The following TRIOBP variants were observed in gnomAD, a reference collection of about 807,000 sequenced individuals.
The protein encoded by TRIOBP is TRIO and F-actin-binding protein.
Under a neutral mutation model 238.8 loss-of-function variants are expected in TRIOBP, and 169 were observed. That is an observed-to-expected ratio of 0.71 (90% CI 0.62 to 0.80). The LOEUF (loss-of-function observed/expected upper bound fraction) is 0.80. Ranked by LOEUF, TRIOBP falls within the 30% of genes least tolerant of loss-of-function variation. The pLI, the probability that TRIOBP is intolerant of heterozygous loss-of-function variation, is 0.00. For missense variants in TRIOBP, 2,838 were observed against 3,122.6 expected, an observed-to-expected ratio of 0.91 and a Z score of 2.17; for synonymous variants, 1,150 against 1,274.4, an observed-to-expected ratio of 0.90 and a Z score of 2.08.
rs548055589 is a variant in TRIOBP, at chr22:37,741,388, T to C, written c.5322+356T>C. On this transcript the variant is annotated intron_variant, in intron 11 of 23. Transcript: ENST00000644935. ...GCGAGCTTATAAGTGGCTCTGGGAT[T>C]GCAAAGTGTGTCTCAGACCTGGGCC... 5.9e-5 allele frequency among the ~76,000 whole-genome samples: 9 copies of C among 152,286 alleles called. No individual in the cohort carries two copies. In the East Asian group the frequency reaches 1.7e-3, roughly 29 times the overall value.
rs1052665635 is a variant in TRIOBP at position 37,725,043 on chromosome 22, C to G, written c.2487C>G (p.Thr829=). The change falls in exon 7 of 24, where the codon ACC becomes ACG. Residue 829 remains threonine (T), a synonymous_variant. Transcript: ENST00000644935. ...AGAACATCCCCAGATCATCTTCTAC[C>G]CAACAAGACAACCCTAAAACCTCTT... The part of the protein sequence containing the change: ...IQQNIPRSSS[T]QQDNPKTSCT... 6.2e-7 allele frequency: 1 copy of G among 1,614,140 alleles called. No homozygotes were observed. The highest frequency in any genetic ancestry group is 1.1e-5 in the South Asian group (1 of 91,080).
intron 3 of TRIOBP, among the ~76,000 whole-genome samples, chr22:37,710,110 C>T (rs997592111): frequency 3.3e-5 from 5 of 152,228 alleles, no homozygotes; most frequent in Admixed American, 3.3e-4. Context: ...GCGGGACCTG[C>T]GTAGACACGC....
intron 8 of TRIOBP, among the ~76,000 whole-genome samples, 169 bp from the exon 9 acceptor site, chr22:37,734,230 G>A (rs982098532): frequency 6.6e-6 from 1 of 152,180 alleles, no homozygotes; most frequent in African/African-American, 2.4e-5. Context: ...GTGAAAGGGA[G>A]GAGCTGACCC....
chr22:37,726,140 G>A lies in TRIOBP; in HGVS notation c.3584G>A (p.Ser1195Asn). The A allele has an allele frequency of 6.4e-7, 1 of 1,552,426 alleles. No individual in the cohort carries two copies. The highest frequency in any genetic ancestry group is 8.7e-7 in the Non-Finnish European group (1 of 1,143,928). The change falls in exon 7 of 24, where the codon AGT becomes AAT. Residue 1195 changes from serine (S) to asparagine (N), a missense_variant. Physicochemically the swap from Ser to Asn is conservative, Grantham distance 46 (BLOSUM62 1). Around this residue, in one of 5 missense-constraint regions of TRIOBP, gnomAD observed 2,096 missense variants for 2,137.4 expected, o/e 0.98. Coordinates refer to ENST00000644935, the MANE Select transcript of TRIOBP (RefSeq NM_001039141.3). Reference sequence around the variant, plus strand: ...TTCTTCCAGGATCCCCCTGGAACTAGTATGGAGAGCCTGGCCCCCTCCACT... The same window carrying A: ...TTCTTCCAGGATCCCCCTGGAACTAATATGGAGAGCCTGGCCCCCTCCACT... ...SLFFQDPPGT[S>N]MESLAPSTDS...
intron 11 of TRIOBP, among the ~76,000 whole-genome samples, chr22:37,747,121 C>T (rs1925323806): frequency 6.6e-6 from 1 of 152,128 alleles, no homozygotes; most frequent in African/African-American, 2.4e-5. Flanking sequence ...CCATCAATTA[C>T]CTGTGCCATA....
At chr22:37,728,753 G>A (rs1171221757) in intron 7 of TRIOBP, among the ~76,000 whole-genome samples, 4 of 151,926 alleles carry the variant, frequency 2.6e-5, no homozygotes, top group Non-Finnish European at 4.4e-5. Context: ...GGGCAGTAGG[G>A]TGATACATTT....
At chr22:37,718,665 T>C (rs917472348) in intron 6 of TRIOBP, among the ~76,000 whole-genome samples, 6 of 151,846 alleles carry the variant, frequency 4.0e-5, no homozygotes, top group African/African-American at 1.2e-4. Flanking sequence ...CAAACCCGAA[T>C]TGAAAGACAT....
chr22:37,765,429 G>A (rs1926434030), intron 17 of TRIOBP, among the ~76,000 whole-genome samples: 1 of 152,076 alleles, frequency 6.6e-6, no homozygotes, highest in South Asian at 2.1e-4. Context: ...CCATGGGAAC[G>A]GGGACTTGAC....
intron 3 of TRIOBP, among the ~76,000 whole-genome samples, chr22:37,704,985 A>T (rs896702420): frequency 6.6e-6 from 1 of 151,836 alleles, no homozygotes; most frequent in Non-Finnish European, 1.5e-5. Flanking sequence ...ATGTGGGAGG[A>T]TTACTGGATC....
intron 6 of TRIOBP, among the ~76,000 whole-genome samples, chr22:37,722,486 G>T (rs1443123156): frequency 6.6e-6 from 1 of 151,522 alleles, no homozygotes; most frequent in Non-Finnish European, 1.5e-5. Context: ...CAGCACTTTG[G>T]GAGGCCGAGG....
chr22:37,713,970 CAG>C (rs143656349), intron 5 of TRIOBP, among the ~76,000 whole-genome samples: 2,624 of 152,278 alleles, frequency 0.017, 82 homozygotes, highest in African/African-American at 0.06. Context: ...AGGAAAATGA[CAG>C]GGGGTGGTGA....
rs1924790125 is a variant in TRIOBP, at chr22:37,738,545, T to C, written c.5107-97T>C. The C allele has an allele frequency of 8.4e-6, 10 of 1,185,884 alleles. 1 individual carries two copies. In the Middle Eastern group the frequency reaches 1.5e-3, roughly 180 times the overall value. 73.5% of individuals were successfully genotyped at this position (1,185,884 alleles called of 1,614,324 possible). A position where few individuals can be genotyped will look rare whatever the true frequency, so the allele number is the denominator to read the frequency against. On this transcript the variant is annotated intron_variant, in intron 9 of 23. Coordinates refer to ENST00000644935, the MANE Select transcript of TRIOBP (RefSeq NM_001039141.3). The stretch of plus-strand genomic sequence containing the variant: ...CTGATGCTGGACGTTAGATGGGTGT[T>C]GCATGGACAGATGATAGAATGGATG...
chr22:37,734,936 C>T lies in TRIOBP; in HGVS notation c.4600C>T (p.Pro1534Ser), dbSNP rs1345200421. ...ESSQSWHSGTPTAVGWGAEGA... is the reference protein window; with the variant it reads ...ESSQSWHSGTSTAVGWGAEGA... ...CTCACAATCCTGGCACTCTGGGACA[C>T]CCACTGCTGTGGGCTGGGGGGCAGA... Residue 1534 changes from proline to serine, a missense_variant, in exon 9 of 24, where the codon CCC (proline) becomes TCC (serine). Pro to Ser is a moderately conservative substitution (Grantham distance 74). This residue lies in a region of TRIOBP where 2,096 missense variants were observed against 2,137.4 expected (regional missense o/e 0.98). Coordinates refer to ENST00000644935, the MANE Select transcript of TRIOBP (RefSeq NM_001039141.3). The T allele has an allele frequency of 1.2e-6, 2 of 1,613,414 alleles. No homozygotes were observed. The highest frequency in any genetic ancestry group is 3.3e-5 in the Admixed American group (2 of 60,028).
rs1926657545 is a variant in TRIOBP at position 37,769,367 on chromosome 22, G to A, written c.6841G>A (p.Glu2281Lys). The change falls in exon 21 of 24, where the codon GAG (glutamate) becomes AAG (lysine). Residue 2281 changes from glutamate to lysine, a missense_variant. Glu to Lys is a moderately conservative substitution (Grantham distance 56). Transcript: ENST00000644935. ...GCGCAGCAACGAGCGGAGTTCCTGC[G>A]AGCTAGAGGTGAGTGTCCTCACTAG... ...CGRSNERSSC[E>K]LEVLLRVKEN... The A allele has an allele frequency of 5.0e-6, 8 of 1,604,232 alleles. No homozygotes were observed. The highest frequency in any genetic ancestry group is 2.7e-5 in the African/African-American group (2 of 74,726).
intron 6 of TRIOBP, among the ~76,000 whole-genome samples, chr22:37,718,192 G>A (rs1274142484): frequency 6.6e-6 from 1 of 152,230 alleles, no homozygotes; most frequent in Non-Finnish European, 1.5e-5. Flanking sequence ...CAAGCGCCGC[G>A]CGCAGCCTCG....
In TRIOBP at chr22:37,775,156, A is replaced by G. The variant is rs935038266; in HGVS notation, c.*1376A>G. On this transcript the variant is annotated 3_prime_UTR_variant, in exon 24 of 24. Coordinates refer to ENST00000644935, the MANE Select transcript of TRIOBP (RefSeq NM_001039141.3). ...GGCCACATCCAGTAGGGGTCCTGGAAGGCTGTGAGAACCCAGAGGAGACCC... is the reference window on the plus strand; with the variant it reads ...GGCCACATCCAGTAGGGGTCCTGGAGGGCTGTGAGAACCCAGAGGAGACCC... 5.9e-5 allele frequency: 9 copies of G among 152,202 alleles called. No homozygotes were observed. Among genetic ancestry groups the G allele is most frequent in the Admixed American group, 5.9e-4 (9 of 15,280 alleles). The allele number at this position is 152,202 out of a possible 1,614,324, so 9.4% of individuals were successfully genotyped here.
intron 11 of TRIOBP, among the ~76,000 whole-genome samples, chr22:37,742,112 T>A (rs1223191111): frequency 2.0e-5 from 3 of 151,198 alleles, no homozygotes; most frequent in Non-Finnish European, 4.4e-5. Flanking sequence ...CGTGCGCCAC[T>A]GCACCCGGCT....
chr22:37,729,764 T>C (rs1267310419), intron 7 of TRIOBP, among the ~76,000 whole-genome samples: 3 of 152,252 alleles, frequency 2.0e-5, no homozygotes, highest in Admixed American at 1.3e-4. Context: ...GAAGTTTTCA[T>C]AATTTTACTG....
chr22:37,708,247 CAAAAAAA>C (rs34560689), intron 3 of TRIOBP, among the ~76,000 whole-genome samples: 1 of 85,256 alleles, frequency 1.2e-5, no homozygotes, highest in African/African-American at 4.3e-5. Flanking sequence ...CTCCGTCTCA[CAAAAAAA>C]AAAAAAAAAA....
Sources: gnomAD v4.1 joint callset for allele counts (sites outside exome capture counted in the v4.1 genomes callset) on GRCh38, gnomAD v4.1.1 for gene constraint, gnomAD v4.1.1 regional missense constraint, MANE v1.5 for transcripts, NCBI Gene and HGNC (gene_info 2026-07-23, HGNC 2026-07-21) for gene names.